The following COQ4 variants were observed in gnomAD, a reference collection of about 807,000 sequenced individuals.
COQ4 encodes coenzyme Q4, also known as ubiquinone biosynthesis protein COQ4 homolog, mitochondrial.
In COQ4, 36 loss-of-function variants were observed where a neutral mutation model predicts 30.2. That is an observed-to-expected ratio of 1.19 (90% CI 0.91 to 1.57). The LOEUF (loss-of-function observed/expected upper bound fraction) is 1.57, where lower values mean the gene tolerates loss of function less well. Among genes scored for constraint, COQ4 ranks in the 40% most tolerant of loss-of-function variants. COQ4 has a pLI of 0.00. For missense variants in COQ4, 369 were observed against 371.9 expected (o/e 0.99, Z 0.07); for synonymous variants, 197 against 161.0 (o/e 1.22, Z -1.69).
chr9:128,325,701 C>T (rs545045185), intron 3 of COQ4, 78 bp from the exon 4 acceptor site: 15 of 1,115,390 alleles, frequency 1.3e-5, no homozygotes, highest in South Asian at 2.7e-5. Context: ...TACATTCTCC[C>T]GCCCCTCAGC....
chr9:128,331,917 CAG>C (rs911119786), intron 4 of COQ4: 22 of 387,974 alleles, frequency 5.7e-5, no homozygotes, highest in South Asian at 1.7e-4. Context: ...TTAGTAGAGA[CAG>C]GGTTTCACCG....
intron 4 of COQ4, among the ~76,000 whole-genome samples, chr9:128,326,625 A>G (rs1036489753): frequency 6.6e-6 from 1 of 151,050 alleles, no homozygotes; most frequent in African/African-American, 2.4e-5. Context: ...TGTATTTTTT[A>G]GTAGAGACGG....
chr9:128,332,512 C>T, intron 5 of COQ4: 1 of 595,756 alleles, frequency 1.7e-6, no homozygotes, highest in Non-Finnish European at 3.0e-6. Context: ...CTCCTGGTGT[C>T]TTTTTAGGCT....
intron 2 of COQ4, among the ~76,000 whole-genome samples, chr9:128,324,059 A>G (rs1407559173): frequency 6.6e-6 from 1 of 152,130 alleles, no homozygotes; most frequent in East Asian, 1.9e-4. Context: ...TCTCAGCTCT[A>G]TGCAACTTCC....
At chr9:128,323,550 T>C (rs762535196) in intron 2 of COQ4, 20 of 408,672 alleles carry the variant, frequency 4.9e-5, no homozygotes, top group Non-Finnish European at 6.9e-5. Context: ...ACATAGTAAA[T>C]GCTCAATAAA....
At position 128,325,181 on chromosome 9, in the gene COQ4, A is replaced by C. The variant is rs936610920; in HGVS notation, c.241A>C (p.Thr81Pro). 6.2e-7 allele frequency: 1 copy of C among 1,614,018 alleles called. No individual in the cohort carries two copies. The change falls in exon 3 of 7, where the codon ACC becomes CCC. Residue 81 changes from threonine to proline, a missense_variant. Transcript: ENST00000300452. Reference sequence around the variant, plus strand: ...TCTAGGGGAGACCACAGGACACCGCACCCTGAAGGTCCTCAGGGACCAGAT... The same window carrying C: ...TCTAGGGGAGACCACAGGACACCGCCCCCTGAAGGTCCTCAGGGACCAGAT... ...AVLGETTGHR[T>P]LKVLRDQMRR...
chr9:128,332,306 C>A, intron 5 of COQ4, 24 bp downstream of exon 5: 1 of 1,609,910 alleles, frequency 6.2e-7, no homozygotes, highest in African/African-American at 1.3e-5. Context: ...ACCCTGATGG[C>A]CTGTCTCCCT....
At chr9:128,333,413 G>C in intron 6 of COQ4, 61 bp from the exon 7 acceptor site, 2 of 1,401,308 alleles carry the variant, frequency 1.4e-6, no homozygotes, top group Non-Finnish European at 1.9e-6. Flanking sequence ...CACAAGTGCC[G>C]AGCAGTCGAG....
Position 128,325,246 on chromosome 9 carries a change from C to T in COQ4, c.299+7C>T. 1 of 1,597,962 alleles carries T rather than the reference C, an allele frequency of 6.3e-7. No homozygotes were observed. Among genetic ancestry groups the T allele is most frequent in the Non-Finnish European group, 8.6e-7 (1 of 1,166,286 alleles). ...AGGGTGCCCAGATCCTGCAGTAGGT[C>T]CCAGCTCTGCCTGGGGGTCTGGGGG... is the stretch of plus-strand genomic sequence containing the variant. On this transcript the variant is annotated splice_region_variant and intron_variant, in intron 3 of 6. Coordinates refer to ENST00000300452, the MANE Select transcript of COQ4 (RefSeq NM_016035.5).
intron 6 of COQ4, 129 bp downstream of exon 6, chr9:128,333,072 G>A: frequency 1.4e-6 from 1 of 731,908 alleles, no homozygotes; most frequent in Non-Finnish European, 2.5e-6. Flanking sequence ...TCTCCAGGAA[G>A]TAAGGGTAGA....
At position 128,333,499 on chromosome 9, in the gene COQ4, T is replaced by G; in HGVS notation, c.652T>G (p.Leu218Val). Reference protein sequence around the residue: ...AQSLQVLVSELIPWAVQNGRR... With the variant: ...AQSLQVLVSEVIPWAVQNGRR... ...GAGCCTGCAAGTGCTGGTCTCGGAG[T>G]TGATCCCATGGGCCGTTCAGAACGG... Residue 218 changes from leucine (L) to valine (V), a missense_variant, in exon 7 of 7, where the codon TTG becomes GTG. By Grantham distance (32) the Leu-to-Val change is conservative. Transcript: ENST00000300452. The G allele has an allele frequency of 6.4e-7, 1 of 1,558,880 alleles. No individual in the cohort carries two copies. Among genetic ancestry groups the G allele is most frequent in the Non-Finnish European group, 8.7e-7 (1 of 1,155,846 alleles).
chr9:128,332,632 C>G (rs1332464009), intron 5 of COQ4: 5 of 598,898 alleles, frequency 8.3e-6, no homozygotes, highest in Non-Finnish European at 1.5e-5. Flanking sequence ...CGCCCTGACC[C>G]CAGGCTTCCT....
intron 5 of COQ4, 38 bp downstream of exon 5, chr9:128,332,320 G>T: frequency 6.2e-7 from 1 of 1,606,774 alleles, no homozygotes. Context: ...TCTCCCTGGG[G>T]TGGCTTCAGG....
At chr9:128,327,421 C>T (rs1270825565) in intron 4 of COQ4, among the ~76,000 whole-genome samples, 2 of 151,922 alleles carry the variant, frequency 1.3e-5, no homozygotes, top group East Asian at 1.9e-4. Context: ...CCAGCCTGGG[C>T]GACAGAGTGA....
At chr9:128,322,987 C>T in intron 1 of COQ4, 29 bp from the exon 2 acceptor site, 1 of 1,609,210 alleles carries the variant, frequency 6.2e-7, no homozygotes, top group Non-Finnish European at 8.5e-7. Flanking sequence ...CCCGGCTCCT[C>T]TGACCTCGGC....
intron 4 of COQ4, among the ~76,000 whole-genome samples, chr9:128,327,140 A>G: frequency 6.6e-6 from 1 of 152,254 alleles, no homozygotes; most frequent in East Asian, 1.9e-4. Flanking sequence ...GGTAGACAAT[A>G]AAATAGTTTT....
At chr9:128,328,077 A>C (rs1832350679) in intron 4 of COQ4, among the ~76,000 whole-genome samples, 1 of 152,228 alleles carries the variant, frequency 6.6e-6, no homozygotes, top group South Asian at 2.1e-4. Flanking sequence ...GCAAGGGCAA[A>C]GGCCCCTTGT....
chr9:128,327,656 C>T (rs1011052731), intron 4 of COQ4, among the ~76,000 whole-genome samples: 28 of 151,924 alleles, frequency 1.8e-4, no homozygotes, highest in African/African-American at 6.0e-4. Context: ...AAAAATTAGC[C>T]AAGTGTGGTG....
intron 4 of COQ4, among the ~76,000 whole-genome samples, chr9:128,327,456 C>CA (rs1222297487): frequency 1.3e-5 from 2 of 151,706 alleles, no homozygotes; most frequent in Admixed American, 6.6e-5. Flanking sequence ...CAAAACAAAA[C>CA]AAAAAAATTC....
Sources: allele counts gnomAD v4.1 joint callset (sites outside exome capture counted in the v4.1 genomes callset), GRCh38; gene constraint gnomAD v4.1.1; transcripts MANE v1.5; gene names NCBI Gene and HGNC (gene_info 2026-07-23, HGNC 2026-07-21).